Variants in NEGR1 observed in about 807,000 individuals in gnomAD.
NEGR1 encodes neuronal growth regulator 1, also known as IgLON family member 4.
In NEGR1, 10 loss-of-function variants were observed where a neutral mutation model predicts 40.9. That is an observed-to-expected ratio of 0.24 (90% CI 0.15 to 0.42). The LOEUF is 0.42. NEGR1 is among the 10% of genes least tolerant of loss of function. The probability of loss-of-function intolerance (pLI) is 1.00; values close to 1 mark genes in which losing one functional copy is unlikely to be tolerated. For missense variants in NEGR1, 352 were observed against 438.9 expected (o/e 0.80, Z 1.77); for synonymous variants, 185 against 166.8 (o/e 1.11, Z -0.84).
chr1:71,840,778 G>C (rs1323504669), intron 2 of NEGR1, among the ~76,000 whole-genome samples: 2 of 152,126 alleles, frequency 1.3e-5, no homozygotes, highest in South Asian at 2.1e-4. Context: ...CATTATTCCA[G>C]TTGTTTCTGT....
intron 2 of NEGR1, among the ~76,000 whole-genome samples, chr1:71,919,992 G>A (rs1645688924): frequency 6.6e-6 from 1 of 152,078 alleles, no homozygotes; most frequent in Admixed American, 6.6e-5. Context: ...CTCTGCTTAA[G>A]CTCTCTGCAG....
At chr1:72,078,648 T>A (rs958240955) in intron 1 of NEGR1, among the ~76,000 whole-genome samples, 3 of 149,130 alleles carry the variant, frequency 2.0e-5, no homozygotes, top group African/African-American at 7.3e-5. Context: ...TTTATTTATT[T>A]TTTTTTTTGA....
At chr1:71,447,201 C>G (rs978201437) in intron 6 of NEGR1, among the ~76,000 whole-genome samples, 1 of 152,098 alleles carries the variant, frequency 6.6e-6, no homozygotes, top group Non-Finnish European at 1.5e-5. Flanking sequence ...GGTGAGCACT[C>G]GTCATGAGCC....
intron 2 of NEGR1, among the ~76,000 whole-genome samples, chr1:71,818,523 A>G (rs6424449): frequency 0.61 from 93,142 of 151,642 alleles, 29,630 homozygotes; most frequent in African/African-American, 0.77. Context: ...AGACATTAGC[A>G]CCTACTTGAG....
chr1:71,843,658 T>A (rs1269225379), intron 2 of NEGR1, among the ~76,000 whole-genome samples: 1 of 152,134 alleles, frequency 6.6e-6, no homozygotes, highest in Non-Finnish European at 1.5e-5. Flanking sequence ...GTAATAGTTT[T>A]AAAGATGAAA....
intron 1 of NEGR1, among the ~76,000 whole-genome samples, chr1:72,059,568 A>G (rs1040245877): frequency 3.3e-5 from 5 of 151,674 alleles, no homozygotes; most frequent in African/African-American, 1.2e-4. Flanking sequence ...TATCCAATAT[A>G]CAATTATAAA....
chr1:71,710,202 C>CAGTTAA (rs1178433401), intron 3 of NEGR1, among the ~76,000 whole-genome samples: 3 of 152,132 alleles, frequency 2.0e-5, no homozygotes, highest in Admixed American at 6.6e-5. Flanking sequence ...AATCTCGCCC[C>CAGTTAA]AGTTAAAATG....
intron 1 of NEGR1, among the ~76,000 whole-genome samples, chr1:72,027,933 T>A (rs1415861478): frequency 6.6e-6 from 1 of 152,200 alleles, no homozygotes; most frequent in Non-Finnish European, 1.5e-5. Flanking sequence ...ACATTAAGCT[T>A]TGAGAAACAC....
chr1:72,198,968 TATATCACCACAGTACATTTTTA>T (rs1465322706), intron 1 of NEGR1, among the ~76,000 whole-genome samples: 1 of 152,024 alleles, frequency 6.6e-6, no homozygotes, highest in African/African-American at 2.4e-5. Context: ...GTTAACATCA[TATATCACCACAGTACATTTTTA>T]AAAATTATGA....
At chr1:72,019,396 T>TA (rs960713145) in intron 1 of NEGR1, among the ~76,000 whole-genome samples, 22 of 152,148 alleles carry the variant, frequency 1.4e-4, no homozygotes, top group African/African-American at 5.3e-4. Context: ...TGGTTTACAC[T>TA]AGAAAATAGT....
At chr1:71,980,144 C>A (rs1201436412) in intron 1 of NEGR1, among the ~76,000 whole-genome samples, 1 of 151,924 alleles carries the variant, frequency 6.6e-6, no homozygotes, top group African/African-American at 2.4e-5. Context: ...CAGAAATAGC[C>A]ACAAGAGTTA....
At chr1:72,045,465 A>G (rs1474225330) in intron 1 of NEGR1, among the ~76,000 whole-genome samples, 1 of 151,732 alleles carries the variant, frequency 6.6e-6, no homozygotes, top group Non-Finnish European at 1.5e-5. Flanking sequence ...GATGATTGAA[A>G]TATGGGGGTG....
intron 1 of NEGR1, among the ~76,000 whole-genome samples, chr1:72,118,496 C>T (rs1557535678): frequency 6.6e-6 from 1 of 151,760 alleles, no homozygotes; most frequent in African/African-American, 2.4e-5. Flanking sequence ...TGTGTTGTGG[C>T]TCAAGTGGCA....
intron 1 of NEGR1, among the ~76,000 whole-genome samples, chr1:72,161,925 C>T (rs1651579354): frequency 6.6e-6 from 1 of 151,708 alleles, no homozygotes; most frequent in Non-Finnish European, 1.5e-5. Context: ...CAACTGACCT[C>T]AAGTGATCCA....
chr1:72,177,797 C>A (rs1240568662), intron 1 of NEGR1, among the ~76,000 whole-genome samples: 1 of 150,376 alleles, frequency 6.6e-6, no homozygotes, highest in African/African-American at 2.4e-5. Context: ...GTTGTTCAAG[C>A]CTTCTAAAAA....
chr1:71,537,140 A>G (rs1271835032), intron 6 of NEGR1, among the ~76,000 whole-genome samples: 2 of 151,736 alleles, frequency 1.3e-5, no homozygotes, highest in Non-Finnish European at 3.0e-5. Context: ...TGTTTTACAT[A>G]TATTAATTCA....
At chr1:72,242,876 A>G (rs1654791379) in intron 1 of NEGR1, among the ~76,000 whole-genome samples, 1 of 151,622 alleles carries the variant, frequency 6.6e-6, no homozygotes, top group South Asian at 2.1e-4. Context: ...ACTATAGCAT[A>G]GTGTTATAGG....
chr1:71,636,406 G>A (rs979441033), intron 4 of NEGR1, among the ~76,000 whole-genome samples: 3 of 151,934 alleles, frequency 2.0e-5, no homozygotes, highest in Non-Finnish European at 4.4e-5. Flanking sequence ...CAAAATGGCA[G>A]AAACATTTTT....
At chr1:71,464,675 A>G (rs1410467117) in intron 6 of NEGR1, among the ~76,000 whole-genome samples, 1 of 152,092 alleles carries the variant, frequency 6.6e-6, no homozygotes, top group Non-Finnish European at 1.5e-5. Context: ...TTTCCCCACC[A>G]TAAAGCACGG....
Sources: allele counts gnomAD v4.1 joint callset (sites outside exome capture counted in the v4.1 genomes callset), GRCh38; gene constraint gnomAD v4.1.1; transcripts MANE v1.5; gene names NCBI Gene and HGNC (gene_info 2026-07-23, HGNC 2026-07-21).